The following EXOC6B variants were observed in gnomAD, a reference collection of about 807,000 sequenced individuals.
The protein encoded by EXOC6B is SEC15 homolog B.
A neutral mutation model predicts 113.5 loss-of-function variants in EXOC6B; 54 were observed. That is an observed-to-expected ratio of 0.48 (90% CI 0.38 to 0.60). The LOEUF is 0.60. EXOC6B is among the 20% of genes least tolerant of loss of function. The pLI, the probability that EXOC6B is intolerant of heterozygous loss-of-function variation, is 0.00. For missense variants in EXOC6B, 797 were observed against 977.5 expected, an observed-to-expected ratio of 0.82 and a Z score of 2.46; for synonymous variants, 357 against 339.0, an observed-to-expected ratio of 1.05 and a Z score of -0.58.
intron 6 of EXOC6B, among the ~76,000 whole-genome samples, chr2:72,684,387 G>A (rs890975872): frequency 2.6e-5 from 4 of 152,040 alleles, no homozygotes; most frequent in Non-Finnish European, 5.9e-5. Flanking sequence ...CAGCAATTGA[G>A]GAAACAAAAT....
intron 20 of EXOC6B, among the ~76,000 whole-genome samples, chr2:72,278,617 A>G (rs1163669267): frequency 1.3e-5 from 2 of 152,204 alleles, no homozygotes; most frequent in African/African-American, 2.4e-5. Flanking sequence ...ACTCAAATTT[A>G]GAATTTGCTA....
At chr2:72,730,183 C>A (rs1386560371) in intron 5 of EXOC6B, among the ~76,000 whole-genome samples, 1 of 152,146 alleles carries the variant, frequency 6.6e-6, no homozygotes, top group East Asian at 1.9e-4. Context: ...CTCACCCTTC[C>A]CCTTTACAAT....
At chr2:72,658,169 CTT>C (rs1674726766) in intron 6 of EXOC6B, among the ~76,000 whole-genome samples, 2 of 149,462 alleles carry the variant, frequency 1.3e-5, no homozygotes, top group South Asian at 4.2e-4. Flanking sequence ...TGCCCTTGAT[CTT>C]AAAAGGATCA....
chr2:72,285,725 T>C (rs1389883879), intron 20 of EXOC6B, among the ~76,000 whole-genome samples: 1 of 152,102 alleles, frequency 6.6e-6, no homozygotes, highest in Admixed American at 6.6e-5. Context: ...AGAAAATATT[T>C]GCAAAAGACA....
At chr2:72,344,731 T>C (rs2104919088) in intron 19 of EXOC6B, among the ~76,000 whole-genome samples, 1 of 152,232 alleles carries the variant, frequency 6.6e-6, no homozygotes, top group East Asian at 1.9e-4. Flanking sequence ...ACGGTTAGTT[T>C]CTAATTTTCT....
intron 18 of EXOC6B, chr2:72,463,148 C>T (rs1697809724): frequency 6.6e-6 from 1 of 152,002 alleles, no homozygotes; most frequent in Non-Finnish European, 1.5e-5. Flanking sequence ...CACACTAGTA[C>T]AAAATTACTT....
At chr2:72,181,208 CAA>C (rs397936010) in intron 21 of EXOC6B, among the ~76,000 whole-genome samples, 4 of 121,766 alleles carry the variant, frequency 3.3e-5, no homozygotes, top group Non-Finnish European at 1.7e-5. Context: ...GACTCCGTCT[CAA>C]AAAAAAAAAA....
At chr2:72,655,508 G>A (rs1674512717) in intron 6 of EXOC6B, among the ~76,000 whole-genome samples, 3 of 151,836 alleles carry the variant, frequency 2.0e-5, no homozygotes, top group Non-Finnish European at 2.9e-5. Flanking sequence ...GGGAAAAAAA[G>A]AAAAAGAAGT....
intron 18 of EXOC6B, among the ~76,000 whole-genome samples, chr2:72,398,659 T>A (rs1475562076): frequency 1.4e-5 from 2 of 147,036 alleles, no homozygotes; most frequent in Non-Finnish European, 3.0e-5. Context: ...ATCGCGACAC[T>A]GCACTCCAGC....
At chr2:72,725,679 A>ACCAC (rs1442501762) in intron 5 of EXOC6B, among the ~76,000 whole-genome samples, 1 of 152,214 alleles carries the variant, frequency 6.6e-6, no homozygotes, top group Non-Finnish European at 1.5e-5. Context: ...GGCGTAAGCC[A>ACCAC]CCACACCTGG....
intron 20 of EXOC6B, among the ~76,000 whole-genome samples, chr2:72,311,121 G>A (rs560414988): frequency 6.6e-6 from 1 of 152,256 alleles, no homozygotes; most frequent in South Asian, 2.1e-4. Flanking sequence ...TTGTATTAAT[G>A]TTCTATTGCT....
intron 20 of EXOC6B, among the ~76,000 whole-genome samples, chr2:72,322,133 C>T (rs1376440313): frequency 6.6e-6 from 1 of 152,076 alleles, no homozygotes; most frequent in Non-Finnish European, 1.5e-5. Flanking sequence ...ATGTTCACAG[C>T]AGTTTTACTC....
chr2:72,798,756 A>G (rs1273427053), intron 1 of EXOC6B, among the ~76,000 whole-genome samples: 3 of 152,194 alleles, frequency 2.0e-5, no homozygotes, highest in Admixed American at 2.0e-4. Flanking sequence ...ATTACTCATA[A>G]AAACATGGAG....
chr2:72,368,134 TGAGTCCTTCCTTCTGCTTAA>T (rs1173809647), intron 19 of EXOC6B, among the ~76,000 whole-genome samples: 1 of 152,078 alleles, frequency 6.6e-6, no homozygotes, highest in Non-Finnish European at 1.5e-5. Flanking sequence ...AGCTAGAAAA[TGAGTCCTTCCTTCTGCTTAA>T]GAAGAACAGA....
chr2:72,555,699 T>G (rs986908824), intron 8 of EXOC6B, among the ~76,000 whole-genome samples: 3 of 152,140 alleles, frequency 2.0e-5, no homozygotes, highest in Non-Finnish European at 4.4e-5. Flanking sequence ...CAGGCTGGAG[T>G]GCAGTAGCAT....
intron 20 of EXOC6B, among the ~76,000 whole-genome samples, chr2:72,304,254 A>G (rs1014579715): frequency 6.6e-6 from 1 of 152,194 alleles, no homozygotes; most frequent in African/African-American, 2.4e-5. Context: ...TCTCTCTTAT[A>G]CACAATACTA....
At chr2:72,498,350 A>T (rs1055602604) in intron 13 of EXOC6B, 104 bp downstream of exon 13, 11 of 693,146 alleles carry the variant, frequency 1.6e-5, no homozygotes, top group Admixed American at 3.1e-5. Context: ...TATAAGTAAC[A>T]TATACTTGTT....
intron 18 of EXOC6B, chr2:72,463,876 A>C (rs773193836): frequency 6.6e-6 from 1 of 152,220 alleles, no homozygotes; most frequent in Non-Finnish European, 1.5e-5. Flanking sequence ...TCCAACATCA[A>C]GGTATCAGCA....
intron 1 of EXOC6B, among the ~76,000 whole-genome samples, chr2:72,807,643 C>A (rs1184240103): frequency 1.3e-5 from 2 of 152,088 alleles, no homozygotes; most frequent in African/African-American, 2.4e-5. Flanking sequence ...TACTTATATA[C>A]AATGGAGTAC....
Sources: gnomAD v4.1 joint callset for allele counts (sites outside exome capture counted in the v4.1 genomes callset) on GRCh38, gnomAD v4.1.1 for gene constraint, MANE v1.5 for transcripts, NCBI Gene and HGNC (gene_info 2026-07-23, HGNC 2026-07-21) for gene names.